Variants in NOX4 observed in about 807,000 individuals in gnomAD.
NOX4 encodes NADPH oxidase 4.
A neutral mutation model predicts 87.6 loss-of-function variants in NOX4; 69 were observed. That is an observed-to-expected ratio of 0.79 (90% CI 0.65 to 0.96). The LOEUF is 0.96. Ranked by LOEUF, NOX4 falls within the 40% of genes least tolerant of loss-of-function variation. The pLI is 0.00. For synonymous variants in NOX4, 275 were observed against 238.2 expected (o/e 1.15, Z -1.42); for missense variants, 680 against 681.5 (o/e 1.00, Z 0.02).
chr11:89,570,703 T>A, the NOX4 span, among the ~76,000 whole-genome samples: 1 of 152,134 alleles, frequency 6.6e-6, no homozygotes. Context: ...TGGTGGTGCA[T>A]ACCTGTAGTT....
intron 12 of NOX4, among the ~76,000 whole-genome samples, chr11:89,365,069 C>G (rs1480410726): frequency 6.6e-6 from 1 of 152,066 alleles, no homozygotes; most frequent in Non-Finnish European, 1.5e-5. Context: ...TTACTTTCTT[C>G]TTGCCTAAGG....
chr11:89,434,775 TA>T (rs143649604), intron 6 of NOX4, among the ~76,000 whole-genome samples: 13,953 of 146,700 alleles, frequency 0.095, 807 homozygotes, highest in South Asian at 0.21. Flanking sequence ...TAATCAGCAA[TA>T]AAAAAAAAAT....
At chr11:89,444,046 A>T in intron 5 of NOX4, 89 bp downstream of exon 5, 1 of 1,060,322 alleles carries the variant, frequency 9.4e-7, no homozygotes, top group Non-Finnish European at 1.5e-6. Flanking sequence ...AAGGAGCAGT[A>T]AGGTACAAAT....
intron 12 of NOX4, among the ~76,000 whole-genome samples, chr11:89,358,946 A>G (rs1316105091): frequency 2.0e-5 from 3 of 151,902 alleles, no homozygotes; most frequent in African/African-American, 7.2e-5. Flanking sequence ...AAAAAAAAAC[A>G]GGATTTTCTG....
At chr11:89,571,692 A>G in the NOX4 span, among the ~76,000 whole-genome samples, 76 of 39,858 alleles carry the variant, frequency 1.9e-3, no homozygotes, top group African/African-American at 7.7e-3. Context: ...TACTTTTGTG[A>G]AAAAAAAAAA....
the NOX4 span, among the ~76,000 whole-genome samples, chr11:89,547,322 T>A: frequency 6.6e-6 from 1 of 152,136 alleles, no homozygotes; most frequent in Non-Finnish European, 1.5e-5. Flanking sequence ...GTACAGTAAA[T>A]TTTCGGACAT....
At chr11:89,553,637 T>C in the NOX4 span, among the ~76,000 whole-genome samples, 1 of 152,106 alleles carries the variant, frequency 6.6e-6, no homozygotes, top group Non-Finnish European at 1.5e-5. Flanking sequence ...CATTATTGAA[T>C]AAGAATTAAT....
At chr11:89,533,345 T>C in the NOX4 span, among the ~76,000 whole-genome samples, 4 of 152,140 alleles carry the variant, frequency 2.6e-5, no homozygotes, top group Admixed American at 6.5e-5. Flanking sequence ...TTTGACTACC[T>C]CTAACACAAA....
At chr11:89,359,745 C>T (rs542483355) in intron 12 of NOX4, among the ~76,000 whole-genome samples, 3 of 151,926 alleles carry the variant, frequency 2.0e-5, no homozygotes, top group East Asian at 1.9e-4. Flanking sequence ...TCCCTAACTG[C>T]CTCTCTATAA....
At chr11:89,588,575 T>C in the NOX4 span, among the ~76,000 whole-genome samples, 22 of 152,338 alleles carry the variant, frequency 1.4e-4, no homozygotes, top group South Asian at 4.3e-3. Flanking sequence ...CAGGTCAATG[T>C]GGGGTGAAAC....
At chr11:89,359,634 G>GT (rs978912992) in intron 12 of NOX4, among the ~76,000 whole-genome samples, 4 of 152,010 alleles carry the variant, frequency 2.6e-5, no homozygotes, top group Non-Finnish European at 4.4e-5. Flanking sequence ...CACATAATTA[G>GT]TTTTTTTAAC....
At chr11:89,484,896 T>C (rs1001911057) in intron 2 of NOX4, among the ~76,000 whole-genome samples, 2 of 152,170 alleles carry the variant, frequency 1.3e-5, no homozygotes, top group African/African-American at 2.4e-5. Flanking sequence ...CTCTAGCTAG[T>C]GATTTTACAG....
intron 11 of NOX4, among the ~76,000 whole-genome samples, chr11:89,398,625 C>A (rs184433313): frequency 6.6e-6 from 1 of 150,742 alleles, no homozygotes; most frequent in African/African-American, 2.4e-5. Context: ...TAGATGCAGA[C>A]AGATGGGAAC....
chr11:89,437,329 T>C (rs979854818), intron 6 of NOX4, among the ~76,000 whole-genome samples: 2 of 152,178 alleles, frequency 1.3e-5, no homozygotes, highest in African/African-American at 4.8e-5. Flanking sequence ...GGAATAGTTT[T>C]AGTCAACATT....
At chr11:89,443,312 G>A (rs904472139) in intron 5 of NOX4, 5 of 152,068 alleles carry the variant, frequency 3.3e-5, no homozygotes, top group African/African-American at 1.2e-4. Flanking sequence ...GAAAACTCTG[G>A]TGATATGTGG....
At chr11:89,411,408 A>G (rs1676979941) in intron 8 of NOX4, among the ~76,000 whole-genome samples, 1 of 152,138 alleles carries the variant, frequency 6.6e-6, no homozygotes, top group Non-Finnish European at 1.5e-5. Flanking sequence ...ACAGTGGGGT[A>G]GAGCACCAAG....
rs755573976 is a variant in NOX4 at position 89,376,564 on chromosome 11, T to C, written c.1075-3072A>G. Among the ~76,000 whole-genome samples the C allele has an allele frequency of 8.5e-4, 130 of 152,120 alleles. 1 individual carries two copies. Among genetic ancestry groups the C allele is most frequent in the Non-Finnish European group, 2.5e-4 (17 of 68,016 alleles). ...AGTTAAAAAGTTACAGTATAATATG[T>C]GTAGTTAAGCACATATTAATATTAA... On this transcript the variant is annotated intron_variant, in intron 11 of 17. Coordinates refer to ENST00000263317, the MANE Select transcript of NOX4 (RefSeq NM_016931.5).
intron 12 of NOX4, among the ~76,000 whole-genome samples, chr11:89,358,087 G>A (rs1938210531): frequency 6.6e-6 from 1 of 151,910 alleles, no homozygotes; most frequent in Admixed American, 6.6e-5. Context: ...TATCGTGGTT[G>A]TCAAAAAGGT....
chr11:89,446,884 T>C (rs970486534), intron 4 of NOX4, among the ~76,000 whole-genome samples: 8 of 152,188 alleles, frequency 5.3e-5, no homozygotes, highest in African/African-American at 1.7e-4. Flanking sequence ...GTTATAATGA[T>C]ATGTCAATTA....
Sources: allele counts gnomAD v4.1 joint callset (sites outside exome capture counted in the v4.1 genomes callset), GRCh38; gene constraint gnomAD v4.1.1; transcripts MANE v1.5; gene names NCBI Gene and HGNC (gene_info 2026-07-23, HGNC 2026-07-21).